Variants in DENND5B observed in about 807,000 individuals in gnomAD.
DENND5B encodes DENN domain-containing protein 5B.
DENND5B carries 34 observed loss-of-function variants against 140.6 expected under a neutral mutation model. That is an observed-to-expected ratio of 0.24 (90% CI 0.18 to 0.32). The LOEUF (loss-of-function observed/expected upper bound fraction) is 0.32. Among genes scored for constraint, DENND5B ranks in the 10% least tolerant of loss-of-function variants. The pLI is 1.00. For missense variants in DENND5B, 1,142 were observed against 1,560.2 expected, an observed-to-expected ratio of 0.73 and a Z score of 4.52; for synonymous variants, 551 against 562.1, an observed-to-expected ratio of 0.98 and a Z score of 0.28.
At chr12:31,555,737 A>G (rs1310601979) in intron 1 of DENND5B, among the ~76,000 whole-genome samples, 1 of 152,162 alleles carries the variant, frequency 6.6e-6, no homozygotes, top group Non-Finnish European at 1.5e-5. Flanking sequence ...TACCTAATCA[A>G]ACAACTAACT....
At chr12:31,533,065 T>C (rs923798213) in intron 1 of DENND5B, among the ~76,000 whole-genome samples, 47 of 152,292 alleles carry the variant, frequency 3.1e-4, no homozygotes, top group Middle Eastern at 3.4e-3. Context: ...GCACAAGTCA[T>C]TGGATAATCA....
chr12:31,484,427 C>T (rs1337396124), intron 2 of DENND5B, among the ~76,000 whole-genome samples: 1 of 152,008 alleles, frequency 6.6e-6, no homozygotes, highest in Non-Finnish European at 1.5e-5. Context: ...CATTCTATGG[C>T]CGTTTGACAT....
chr12:31,557,660 G>T (rs926177937), intron 1 of DENND5B, among the ~76,000 whole-genome samples: 1 of 151,960 alleles, frequency 6.6e-6, no homozygotes, highest in African/African-American at 2.4e-5. Context: ...AGGTGAATAG[G>T]AAGTTTAGCA....
intron 1 of DENND5B, among the ~76,000 whole-genome samples, chr12:31,574,482 C>T (rs924448684): frequency 2.0e-5 from 3 of 151,684 alleles, no homozygotes; most frequent in Non-Finnish European, 4.4e-5. Flanking sequence ...CCCAGCTACT[C>T]GAGAGGCTGA....
intron 1 of DENND5B, among the ~76,000 whole-genome samples, chr12:31,572,560 A>C (rs1168969707): frequency 2.1e-5 from 3 of 140,678 alleles, no homozygotes; most frequent in Non-Finnish European, 4.6e-5. Flanking sequence ...AAAAAAAAAA[A>C]CTCACGAGTT....
At chr12:31,414,921 C>CAAAA (rs34987633) in intron 12 of DENND5B, among the ~76,000 whole-genome samples, 1 of 109,628 alleles carries the variant, frequency 9.1e-6, no homozygotes, top group Non-Finnish European at 1.8e-5. Context: ...GACGCCATCT[C>CAAAA]AAAAAAAAAA....
intron 2 of DENND5B, among the ~76,000 whole-genome samples, chr12:31,493,215 G>C (rs985710523): frequency 6.6e-6 from 1 of 152,108 alleles, no homozygotes; most frequent in African/African-American, 2.4e-5. Context: ...TAATTTCTGA[G>C]TCTTACTGCC....
chr12:31,504,937 G>T (rs1947135910), intron 1 of DENND5B, among the ~76,000 whole-genome samples: 1 of 152,188 alleles, frequency 6.6e-6, no homozygotes, highest in Admixed American at 6.6e-5. Flanking sequence ...CAAAGTGGAA[G>T]AAAGTTGAGT....
intron 3 of DENND5B, 106 bp from the exon 4 acceptor site, chr12:31,460,487 G>C (rs1472640662): frequency 1.9e-6 from 2 of 1,037,172 alleles, no homozygotes; most frequent in East Asian, 5.1e-5. Flanking sequence ...TGCGTTAAAA[G>C]TAAATATTTC....
intron 7 of DENND5B, 122 bp downstream of exon 7, chr12:31,442,653 G>C (rs1223327951): frequency 1.0e-6 from 1 of 954,378 alleles, no homozygotes; most frequent in Non-Finnish European, 1.4e-6. Flanking sequence ...ATGCATTAAT[G>C]TGGTCATGAA....
At chr12:31,556,330 T>C (rs1287705143) in intron 1 of DENND5B, among the ~76,000 whole-genome samples, 1 of 152,162 alleles carries the variant, frequency 6.6e-6, no homozygotes, top group African/African-American at 2.4e-5. Flanking sequence ...GCCTCCCAAG[T>C]AGCTGGGACT....
intron 1 of DENND5B, among the ~76,000 whole-genome samples, chr12:31,497,173 T>A (rs1238826193): frequency 6.6e-6 from 1 of 152,090 alleles, no homozygotes; most frequent in Non-Finnish European, 1.5e-5. Flanking sequence ...CTCAAAAATC[T>A]TGCTGGAGAC....
intron 1 of DENND5B, among the ~76,000 whole-genome samples, chr12:31,514,423 T>C (rs1947544970): frequency 1.3e-5 from 2 of 152,306 alleles, no homozygotes; most frequent in South Asian, 2.1e-4. Context: ...ATGGGCTAGT[T>C]GAAAGAACAC....
In DENND5B at chr12:31,392,305, C is replaced by T. The variant is rs767237665; in HGVS notation, c.3428G>A (p.Arg1143His). 3.1e-6 allele frequency: 5 copies of T among 1,613,624 alleles called. No homozygotes were observed. Among genetic ancestry groups the T allele is most frequent in the East Asian group, 2.2e-5 (1 of 44,876 alleles). ...GATGAAGACATTCTTGTGAAAGATGCGGGCAGATTTGAACCCATGGTGGAA... is the reference window on the plus strand; with the variant it reads ...GATGAAGACATTCTTGTGAAAGATGTGGGCAGATTTGAACCCATGGTGGAA... ...QVFHHGFKSA[R>H]IFHKNVFIWD... Residue 1143 changes from arginine (R) to histidine (H), a missense_variant, in exon 19 of 21, where the codon CGC becomes CAC. Around this residue, in one of 5 missense-constraint regions of DENND5B, gnomAD observed 125 missense variants for 179.0 expected, o/e 0.70. Coordinates refer to ENST00000389082, the MANE Select transcript of DENND5B (RefSeq NM_144973.4).
rs190034792 is a variant in DENND5B at position 31,441,142 on chromosome 12, A to C, written c.2012+1633T>G. The stretch of plus-strand genomic sequence containing the variant: ...CAGGTTGCTTGAGCCCAGAAGTTCA[A>C]CACCAGCTTGGGCAATAAGGCAAAA... On this transcript the variant is annotated intron_variant, in intron 7 of 20. Transcript: ENST00000389082. Among the ~76,000 whole-genome samples the C allele has an allele frequency of 1.1e-4, 16 of 152,266 alleles. No individual in the cohort carries two copies. In the East Asian group the frequency reaches 3.1e-3, roughly 30 times the overall value.
chr12:31,585,611 T>C (rs1950369801), intron 1 of DENND5B, among the ~76,000 whole-genome samples: 1 of 152,228 alleles, frequency 6.6e-6, no homozygotes, highest in African/African-American at 2.4e-5. Context: ...GCTGATCAAA[T>C]GTAATCTGAG....
At chr12:31,557,884 C>T (rs117524312) in intron 1 of DENND5B, among the ~76,000 whole-genome samples, 98 of 148,402 alleles carry the variant, frequency 6.6e-4, no homozygotes, top group Non-Finnish European at 1.1e-3. Flanking sequence ...CCAATGCAGG[C>T]AAGAAGCTGC....
intron 3 of DENND5B, among the ~76,000 whole-genome samples, chr12:31,472,237 A>C (rs538890316): frequency 6.6e-6 from 1 of 152,302 alleles, no homozygotes; most frequent in East Asian, 1.9e-4. Context: ...GCAGGGTGGA[A>C]ATTTTTAAGT....
chr12:31,547,336 C>A (rs1392157733), intron 1 of DENND5B, among the ~76,000 whole-genome samples: 2 of 152,158 alleles, frequency 1.3e-5, no homozygotes, highest in Non-Finnish European at 2.9e-5. Flanking sequence ...AGGGAGCAGG[C>A]ATTGAAGTAT....
Sources: gnomAD v4.1 joint callset for allele counts (sites outside exome capture counted in the v4.1 genomes callset) on GRCh38, gnomAD v4.1.1 for gene constraint, gnomAD v4.1.1 regional missense constraint, MANE v1.5 for transcripts, NCBI Gene and HGNC (gene_info 2026-07-23, HGNC 2026-07-21) for gene names.